ZNF407: variants seen among roughly 807,000 people sequenced by gnomAD.
ZNF407 encodes zinc finger protein 407.
Under a neutral mutation model 131.2 loss-of-function variants are expected in ZNF407, and 17 were observed. The observed-to-expected ratio is 0.13, with a 90% CI of 0.09 to 0.19. The LOEUF (loss-of-function observed/expected upper bound fraction) is 0.19, where lower values mean the gene tolerates loss of function less well. ZNF407 is among the 10% of genes least tolerant of loss of function. The probability of loss-of-function intolerance (pLI) is 1.00; values close to 1 mark genes in which losing one functional copy is unlikely to be tolerated. For synonymous variants in ZNF407, 1,156 were observed against 1,062.0 expected (o/e 1.09, Z -1.72); for missense variants, 2,681 against 2,830.6 (o/e 0.95, Z 1.20).
chr18:75,042,178 G>A (rs953417779), intron 8 of ZNF407, among the ~76,000 whole-genome samples: 1 of 151,736 alleles, frequency 6.6e-6, no homozygotes, highest in Non-Finnish European at 1.5e-5. Flanking sequence ...TGGGATCATG[G>A]GTATGAACCA....
chr18:74,973,185 T>A (rs1972492365), intron 8 of ZNF407, among the ~76,000 whole-genome samples: 1 of 152,182 alleles, frequency 6.6e-6, no homozygotes, highest in African/African-American at 2.4e-5. Context: ...CTTATCACAG[T>A]CTGTTGGTGT....
rs888184281 is a variant in ZNF407 at position 74,864,181 on chromosome 18, T to A, written c.4878-13016T>A. ...TTCAAAGATTACTCTTTGATTACTC[T>A]TCGTTAGAACCCTTCCTTCTTCTTC... is the stretch of plus-strand genomic sequence containing the variant. On this transcript the variant is annotated intron_variant, in intron 4 of 8. Coordinates refer to ENST00000299687, the MANE Select transcript of ZNF407 (RefSeq NM_017757.3). 3.5e-4 allele frequency among the ~76,000 whole-genome samples: 54 copies of A among 152,308 alleles called. 1 individual carries two copies. The highest frequency in any genetic ancestry group is 1.3e-3 in the African/African-American group (53 of 41,582).
At chr18:75,013,256 G>T (rs1363609295) in intron 8 of ZNF407, among the ~76,000 whole-genome samples, 1 of 152,086 alleles carries the variant, frequency 6.6e-6, no homozygotes, top group East Asian at 1.9e-4. Context: ...TCAAGTAAAG[G>T]TTTGAGAGAA....
At chr18:74,666,311 G>A (rs1158617675) in intron 3 of ZNF407, among the ~76,000 whole-genome samples, 1 of 152,194 alleles carries the variant, frequency 6.6e-6, no homozygotes, top group Admixed American at 6.5e-5. Context: ...AGGGCAGGAT[G>A]TAAGAGTCCA....
chr18:75,036,768 A>T (rs575039556), intron 8 of ZNF407, among the ~76,000 whole-genome samples: 2 of 152,340 alleles, frequency 1.3e-5, no homozygotes, highest in South Asian at 4.1e-4. Context: ...CCTGCAATTT[A>T]TATGTACTTT....
chr18:75,010,960 T>G (rs1972967550), intron 8 of ZNF407, among the ~76,000 whole-genome samples: 1 of 152,160 alleles, frequency 6.6e-6, no homozygotes, highest in Admixed American at 6.5e-5. Flanking sequence ...GGATGTGGCA[T>G]CTCCAAATGG....
At position 74,653,842 on chromosome 18, in the gene ZNF407, A is replaced by G. The variant is rs539622492; in HGVS notation, c.4802+12720A>G. Among the ~76,000 whole-genome samples the G allele has an allele frequency of 1.5e-4, 23 of 151,932 alleles. No individual in the cohort carries two copies. In the East Asian group the frequency reaches 4.2e-3, roughly 28 times the overall value. ...GATGTATGCTATTTGAAATAAAATG[A>G]TGATTTTAGCTATTTTTTAGAAAAA... On this transcript the variant is annotated intron_variant, in intron 3 of 8. Transcript: ENST00000299687.
chr18:74,631,417 C>G lies in ZNF407; in HGVS notation c.398C>G (p.Pro133Arg), dbSNP rs1431066700. Residue 133 changes from proline (P) to arginine (R), a missense_variant, in exon 2 of 9, where the codon CCT (proline) becomes CGT (arginine). By Grantham distance (103) the Pro-to-Arg change is moderately radical. This residue lies in a region of ZNF407 where 1,789 missense variants were observed against 1,748.7 expected (regional missense o/e 1.02). Coordinates refer to ENST00000299687, the MANE Select transcript of ZNF407 (RefSeq NM_017757.3). ...GGTCLPNALS[P>R]SCNFSTIDVV... Reference sequence around the variant, plus strand: ...ACATGTCTCCCAAATGCCCTCTCCCCTTCTTGCAATTTTAGCACTATTGAT... The same window carrying G: ...ACATGTCTCCCAAATGCCCTCTCCCGTTCTTGCAATTTTAGCACTATTGAT... 1 of 1,613,986 alleles carries G rather than the reference C, an allele frequency of 6.2e-7. No homozygotes were observed. Among genetic ancestry groups the G allele is most frequent in the South Asian group, 1.1e-5 (1 of 91,078 alleles).
chr18:74,780,163 ATGAT>A (rs1969570563), intron 3 of ZNF407, among the ~76,000 whole-genome samples: 1 of 152,160 alleles, frequency 6.6e-6, no homozygotes, highest in Admixed American at 6.5e-5. Context: ...TTTAAGTAGA[ATGAT>A]TGTTATTTTC....
intron 3 of ZNF407, among the ~76,000 whole-genome samples, chr18:74,753,825 G>C (rs556066374): frequency 6.6e-6 from 1 of 151,422 alleles, no homozygotes; most frequent in Non-Finnish European, 1.5e-5. Context: ...CTTTTTTTTT[G>C]TTGTGTCTCT....
At chr18:74,915,243 G>GC (rs1321048571) in intron 7 of ZNF407, among the ~76,000 whole-genome samples, 1 of 152,104 alleles carries the variant, frequency 6.6e-6, no homozygotes, top group African/African-American at 2.4e-5. Flanking sequence ...TCAGGAATGG[G>GC]CCTAGTATCC....
intron 1 of ZNF407, among the ~76,000 whole-genome samples, chr18:74,616,128 C>G (rs2144628997): frequency 6.6e-6 from 1 of 152,248 alleles, no homozygotes; most frequent in South Asian, 2.1e-4. Flanking sequence ...ATACATTAAC[C>G]AGTTTTGCCA....
intron 8 of ZNF407, among the ~76,000 whole-genome samples, chr18:74,972,752 T>C (rs74655567): frequency 0.039 from 5,883 of 149,704 alleles, 347 homozygotes; most frequent in African/African-American, 0.13. Flanking sequence ...GAGAATAATA[T>C]AGCCAATCCT....
chr18:74,601,362 TG>T (rs1982577538), intron 1 of ZNF407, among the ~76,000 whole-genome samples: 1 of 149,200 alleles, frequency 6.7e-6, no homozygotes, highest in Non-Finnish European at 1.5e-5. Flanking sequence ...TGTGTGTGTG[TG>T]TCCTTCACAA....
intron 3 of ZNF407, among the ~76,000 whole-genome samples, chr18:74,676,719 C>A (rs957895229): frequency 4.6e-5 from 7 of 152,198 alleles, no homozygotes; most frequent in African/African-American, 9.7e-5. Context: ...CAGACGTGAG[C>A]CACTGTGCCC....
chr18:74,697,342 A>T (rs1409080675), intron 3 of ZNF407, among the ~76,000 whole-genome samples: 1 of 152,162 alleles, frequency 6.6e-6, no homozygotes. Flanking sequence ...AGAAAAATAA[A>T]ATACAAATTA....
Position 74,633,361 on chromosome 18 carries a change from G to A in ZNF407, c.2342G>A (p.Gly781Asp). The change falls in exon 2 of 9, where the codon GGT becomes GAT. Residue 781 changes from glycine (G) to aspartate (D), a missense_variant. Gly to Asp is a moderately conservative substitution (Grantham distance 94, BLOSUM62 -1). This residue lies in a region of ZNF407 where 1,789 missense variants were observed against 1,748.7 expected (regional missense o/e 1.02). Coordinates refer to ENST00000299687, the MANE Select transcript of ZNF407 (RefSeq NM_017757.3). ...GAATGTATTGAAAGGGTATGTATAG[G>A]TGCAAATGATAAAAAAGAAGAGTTT... ...FEECIERVCI[G>D]ANDKKEEFDV... The A allele has an allele frequency of 6.2e-7, 1 of 1,613,888 alleles. No homozygotes were observed. The highest frequency in any genetic ancestry group is 8.5e-7 in the Non-Finnish European group (1 of 1,179,888).
At chr18:74,849,057 T>TC (rs1970742282) in intron 4 of ZNF407, among the ~76,000 whole-genome samples, 2 of 144,872 alleles carry the variant, frequency 1.4e-5, no homozygotes, top group Admixed American at 7.0e-5. Context: ...TGTTTCTTTT[T>TC]TTTTTTTTTA....
chr18:75,005,925 G>A (rs1235128664), intron 8 of ZNF407, among the ~76,000 whole-genome samples: 1 of 152,056 alleles, frequency 6.6e-6, no homozygotes, highest in Non-Finnish European at 1.5e-5. Flanking sequence ...AGTGAACAGC[G>A]GGTCTATGGG....
Sources: allele counts gnomAD v4.1 joint callset (sites outside exome capture counted in the v4.1 genomes callset), GRCh38; gene constraint gnomAD v4.1.1; regional missense constraint gnomAD v4.1.1; transcripts MANE v1.5; gene names NCBI Gene and HGNC (gene_info 2026-07-23, HGNC 2026-07-21).